Variants in KCNIP4 observed in about 807,000 individuals in gnomAD.
KCNIP4 encodes the protein potassium voltage-gated channel interacting protein 4.
Under a neutral mutation model 34.0 loss-of-function variants are expected in KCNIP4, and 12 were observed. That is an observed-to-expected ratio of 0.35 (90% CI 0.23 to 0.57). The LOEUF (loss-of-function observed/expected upper bound fraction) is 0.57. Among genes scored for constraint, KCNIP4 ranks in the 20% least tolerant of loss-of-function variants. The pLI is 0.83. For missense variants in KCNIP4, 238 were observed against 311.7 expected, an observed-to-expected ratio of 0.76 and a Z score of 1.78; for synonymous variants, 124 against 102.2, an observed-to-expected ratio of 1.21 and a Z score of -1.29.
chr4:20,905,509 CTT>C lies in KCNIP4; in HGVS notation c.62-22802_62-22801del, dbSNP rs10686415. 4.4e-4 allele frequency among the ~76,000 whole-genome samples: 32 copies of C among 72,800 alleles called. No homozygotes were observed. The South Asian group carries it at 5.7e-3, about 13-fold the overall frequency. 47.8% of individuals were successfully genotyped at this position (72,800 alleles called of 152,430 possible). ...ACACAGGTAGTTGAACGTTTTCTTT[CTT>C]TTTTTTTTTTTTTTGTTTGAGATGG... On this transcript the variant is annotated intron_variant, in intron 1 of 8. Coordinates refer to ENST00000382152, the MANE Select transcript of KCNIP4 (RefSeq NM_025221.6).
chr4:21,902,822 T>C (rs907633311), intron 1 of KCNIP4, among the ~76,000 whole-genome samples: 1 of 152,130 alleles, frequency 6.6e-6, no homozygotes, highest in Admixed American at 6.6e-5. Flanking sequence ...AGGGACTTCA[T>C]AGAAGCGGGA....
intron 1 of KCNIP4, among the ~76,000 whole-genome samples, chr4:21,828,724 G>A (rs73256573): frequency 3.2e-4 from 49 of 151,772 alleles, no homozygotes; most frequent in Non-Finnish European, 4.1e-4. Flanking sequence ...GTGCTGAGAA[G>A]AAAAAAATGT....
At chr4:21,508,277 C>T (rs542862414) in intron 1 of KCNIP4, among the ~76,000 whole-genome samples, 3 of 152,270 alleles carry the variant, frequency 2.0e-5, no homozygotes, top group South Asian at 2.1e-4. Flanking sequence ...AACTCCATTC[C>T]TTTAACCAAT....
At chr4:21,552,390 C>T (rs1738656318) in intron 1 of KCNIP4, among the ~76,000 whole-genome samples, 1 of 152,076 alleles carries the variant, frequency 6.6e-6, no homozygotes, top group Non-Finnish European at 1.5e-5. Flanking sequence ...AGATATTAGT[C>T]TTTTTCCTTA....
At chr4:21,831,151 C>T (rs1355839715) in intron 1 of KCNIP4, among the ~76,000 whole-genome samples, 1 of 152,028 alleles carries the variant, frequency 6.6e-6, no homozygotes, top group East Asian at 1.9e-4. Context: ...TGGGATGCTG[C>T]AATAGCAGTT....
chr4:20,753,943 CTG>C (rs1239782774), intron 4 of KCNIP4, among the ~76,000 whole-genome samples: 1 of 145,670 alleles, frequency 6.9e-6, no homozygotes, highest in Non-Finnish European at 1.5e-5. Context: ...CATTCAACAA[CTG>C]TTTATTATAT....
intron 1 of KCNIP4, among the ~76,000 whole-genome samples, chr4:21,448,724 C>T (rs1190549680): frequency 6.6e-6 from 1 of 152,110 alleles, no homozygotes; most frequent in Admixed American, 6.5e-5. Flanking sequence ...ATCCTTTTTA[C>T]TTCTGCTCAA....
intron 1 of KCNIP4, among the ~76,000 whole-genome samples, chr4:21,778,189 T>C (rs962683403): frequency 1.1e-4 from 16 of 151,672 alleles, no homozygotes; most frequent in African/African-American, 3.9e-4. Context: ...TGTGTTTGTA[T>C]GTTTTATTTT....
At chr4:20,997,448 C>T (rs905967694) in intron 1 of KCNIP4, among the ~76,000 whole-genome samples, 8 of 152,182 alleles carry the variant, frequency 5.3e-5, no homozygotes, top group Admixed American at 4.6e-4. Context: ...GATGGTGAAA[C>T]ATGTTGGACG....
At chr4:21,759,747 G>T (rs1225402577) in intron 1 of KCNIP4, among the ~76,000 whole-genome samples, 1 of 152,070 alleles carries the variant, frequency 6.6e-6, no homozygotes, top group Non-Finnish European at 1.5e-5. Context: ...AGTAGACCTG[G>T]AATGACAACC....
intron 1 of KCNIP4, among the ~76,000 whole-genome samples, chr4:21,217,998 T>TTAA (rs1553835620): frequency 2.0e-5 from 3 of 149,382 alleles, no homozygotes; most frequent in African/African-American, 7.4e-5. Flanking sequence ...TTTTTTTTTT[T>TTAA]AAATTTATTT....
intron 1 of KCNIP4, among the ~76,000 whole-genome samples, chr4:21,067,731 T>G (rs1744534277): frequency 6.6e-6 from 1 of 152,094 alleles, no homozygotes; most frequent in Admixed American, 6.6e-5. Context: ...GATGCTTGCA[T>G]TACCCCTCTC....
intron 5 of KCNIP4, among the ~76,000 whole-genome samples, chr4:20,748,409 T>A (rs995308998): frequency 5.9e-5 from 9 of 151,878 alleles, no homozygotes; most frequent in African/African-American, 1.9e-4. Context: ...CTGAGCAGGC[T>A]TCCCTGCTAC....
At chr4:21,556,930 A>AAAAAAAAAAAAAAAACAAAAAAAAAC (rs1553903108) in intron 1 of KCNIP4, among the ~76,000 whole-genome samples, 39 of 108,226 alleles carry the variant, frequency 3.6e-4, no homozygotes, top group African/African-American at 4.8e-4. Context: ...CAGAAAAAAA[A>AAAAAAAAAAAAAAAACAAAAAAAAAC]AAAAAAAAAA....
At chr4:21,217,096 T>C (rs1487820125) in intron 1 of KCNIP4, among the ~76,000 whole-genome samples, 1 of 152,222 alleles carries the variant, frequency 6.6e-6, no homozygotes, top group African/African-American at 2.4e-5. Context: ...GTAGATGTTA[T>C]TGTATCTCAT....
At chr4:20,807,663 T>C (rs1444537727) in intron 3 of KCNIP4, among the ~76,000 whole-genome samples, 1 of 152,128 alleles carries the variant, frequency 6.6e-6, no homozygotes, top group African/African-American at 2.4e-5. Context: ...AAGCATCTTT[T>C]AGAAAGCTTC....
At position 20,732,676 on chromosome 4, in the gene KCNIP4, C is replaced by T; in HGVS notation, c.642+5G>A. Reference sequence around the variant, plus strand: ...TGCCCTCTTGACTTCTGTTTTAATTCCTACCTGAAAAAATGTTTCAACGTG... The same window carrying T: ...TGCCCTCTTGACTTCTGTTTTAATTTCTACCTGAAAAAATGTTTCAACGTG... On this transcript the variant is annotated splice_donor_5th_base_variant and intron_variant, in intron 7 of 8. Transcript: ENST00000382152. 6.3e-7 allele frequency: 1 copy of T among 1,594,086 alleles called. No individual in the cohort carries two copies. Among genetic ancestry groups the T allele is most frequent in the Non-Finnish European group, 8.6e-7 (1 of 1,162,320 alleles).
At chr4:20,768,993 G>A (rs1487501444) in intron 3 of KCNIP4, among the ~76,000 whole-genome samples, 1 of 151,210 alleles carries the variant, frequency 6.6e-6, no homozygotes, top group East Asian at 2.0e-4. Flanking sequence ...AGAAATCCAA[G>A]GTACTAGGCA....
chr4:21,943,531 C>T (rs1181206506), intron 1 of KCNIP4, among the ~76,000 whole-genome samples: 1 of 151,996 alleles, frequency 6.6e-6, no homozygotes, highest in African/African-American at 2.4e-5. Context: ...CAGAGTGAGA[C>T]TCTGATTCAA....
Sources: gnomAD v4.1 joint callset for allele counts (sites outside exome capture counted in the v4.1 genomes callset) on GRCh38, gnomAD v4.1.1 for gene constraint, MANE v1.5 for transcripts, NCBI Gene and HGNC (gene_info 2026-07-23, HGNC 2026-07-21) for gene names.